Variants in FASTKD1 observed in about 807,000 individuals in gnomAD.
FASTKD1 encodes FAST kinase domains 1.
In FASTKD1, 94 loss-of-function variants were observed where a neutral mutation model predicts 90.9. The ratio of observed to expected loss-of-function variants is 1.03; its 90% CI spans 0.88 to 1.23. FASTKD1 has a LOEUF of 1.23. Ranked by LOEUF, FASTKD1 falls within the 50% of genes most tolerant of loss-of-function variation. The probability of loss-of-function intolerance (pLI) is 0.00; values close to 1 mark genes in which losing one functional copy is unlikely to be tolerated. For missense variants in FASTKD1, 945 were observed against 993.5 expected (o/e 0.95, Z 0.66); for synonymous variants, 319 against 345.8 (o/e 0.92, Z 0.86).
rs377384730 is a variant in FASTKD1 at position 169,557,196 on chromosome 2, A to C, written c.1073T>G (p.Leu358Arg). The change falls in exon 6 of 15, where the codon CTG (leucine) becomes CGG (arginine). Residue 358 changes from leucine (L) to arginine (R), a missense_variant. Transcript: ENST00000453153. ...ATTTCAGAAAAGATACCTTTTAATC[A>C]GACATGAGTTTCTGCTTTCCATATC... ...MGDMESRNSC[L>R]IKRVTSVLHK... 2 of 1,602,836 alleles carry C rather than the reference A, an allele frequency of 1.2e-6. No homozygotes were observed. Among genetic ancestry groups the C allele is most frequent in the East Asian group, 2.2e-5 (1 of 44,776 alleles).
At chr2:169,538,976 T>C (rs1377483013) in intron 10 of FASTKD1, among the ~76,000 whole-genome samples, 1 of 151,932 alleles carries the variant, frequency 6.6e-6, no homozygotes, top group African/African-American at 2.4e-5. Flanking sequence ...TGTTTTAAAA[T>C]TCATATAGGG....
chr2:169,569,068 A>AT (rs1684120885), intron 3 of FASTKD1, 116 bp downstream of exon 3: 7 of 835,320 alleles, frequency 8.4e-6, no homozygotes, highest in African/African-American at 1.7e-5. Context: ...GTTTAAATAC[A>AT]TTTTTTTCAG....
Position 169,557,247 on chromosome 2 carries a change from G to C in FASTKD1, c.1022C>G (p.Ala341Gly), listed in dbSNP as rs1295687403. Residue 341 changes from alanine to glycine, a missense_variant, in exon 6 of 15, where the codon GCC (alanine) becomes GGC (glycine). Physicochemically the swap from Ala to Gly is moderately conservative, Grantham distance 60 (BLOSUM62 0). Coordinates refer to ENST00000453153, the MANE Select transcript of FASTKD1 (RefSeq NM_024622.6). ...LMSEDLTGEQ[A>G]LAVLGAMGDM... ...TCCCATTGCTCCCAACACTGCCAGG[G>C]CTTGCTCGCCAGTTAGGTCCTCTGA... The C allele has an allele frequency of 3.1e-6, 5 of 1,612,416 alleles. No individual in the cohort carries two copies. Among genetic ancestry groups the C allele is most frequent in the Non-Finnish European group, 4.2e-6 (5 of 1,179,234 alleles).
chr2:169,540,298 T>C, intron 9 of FASTKD1, 119 bp from the exon 10 acceptor site: 2 of 997,620 alleles, frequency 2.0e-6, no homozygotes, highest in Admixed American at 3.2e-5. Context: ...ACAAAACTAA[T>C]CTACACTGTT....
chr2:169,561,364 T>C (rs983314133), intron 4 of FASTKD1, among the ~76,000 whole-genome samples: 6 of 151,470 alleles, frequency 4.0e-5, no homozygotes, highest in Admixed American at 3.3e-4. Flanking sequence ...TTTACCAAAG[T>C]GCTAATCACT....
At position 169,528,872 on chromosome 2, in the gene FASTKD1, C is replaced by T. The variant is rs1342166753; in HGVS notation, c.*953G>A. On this transcript the variant is annotated 3_prime_UTR_variant, in exon 15 of 15. Transcript: ENST00000453153. Reference sequence around the variant, plus strand: ...GAAGTATTACTTACCTTCCTTCCTCCTACCTCATTGGCCATCCCTGCTCAG... The same window carrying T: ...GAAGTATTACTTACCTTCCTTCCTCTTACCTCATTGGCCATCCCTGCTCAG... 6.6e-6 allele frequency among the ~76,000 whole-genome samples: 1 copy of T among 152,060 alleles called. No individual in the cohort carries two copies. Among genetic ancestry groups the T allele is most frequent in the African/African-American group, 2.4e-5 (1 of 41,390 alleles).
At chr2:169,544,870 CTT>C in intron 8 of FASTKD1, 35 bp from the exon 9 acceptor site, 1 of 1,283,304 alleles carries the variant, frequency 7.8e-7, no homozygotes, top group South Asian at 1.4e-5. Context: ...ATAGTTTAAA[CTT>C]TAGGAAAATA....
At chr2:169,539,175 G>A (rs987050291) in intron 10 of FASTKD1, among the ~76,000 whole-genome samples, 4 of 151,966 alleles carry the variant, frequency 2.6e-5, no homozygotes, top group African/African-American at 9.7e-5. Context: ...GGCTGAAGCA[G>A]GAGGATCAAT....
At chr2:169,549,648 G>A (rs1360896176) in intron 7 of FASTKD1, among the ~76,000 whole-genome samples, 2 of 151,716 alleles carry the variant, frequency 1.3e-5, no homozygotes, top group Admixed American at 1.3e-4. Flanking sequence ...GTTTTTTGTT[G>A]TGGAGACAGG....
Position 169,538,099 on chromosome 2 carries a change from A to G in FASTKD1, c.1988T>C (p.Met663Thr), listed in dbSNP as rs566037384. 8 of 1,610,126 alleles carry G rather than the reference A, an allele frequency of 5.0e-6. No homozygotes were observed. The East Asian group carries it at 9.0e-5, about 18-fold the overall frequency. Reference protein sequence around the residue: ...SRSARVQFHLMELNRSVCLEC... With the variant: ...SRSARVQFHLTELNRSVCLEC... ...CAAGCAGACTGATCTATTTAACTCC[A>G]TAAGATGAAACTGGACTCTTGCACT... Residue 663 changes from methionine (M) to threonine (T), a missense_variant, in exon 11 of 15, where the codon ATG (methionine) becomes ACG (threonine). Physicochemically the swap from Met to Thr is moderately conservative, Grantham distance 81. Transcript: ENST00000453153.
chr2:169,566,273 G>T (rs1457754928), intron 3 of FASTKD1, among the ~76,000 whole-genome samples: 1 of 152,124 alleles, frequency 6.6e-6, no homozygotes, highest in Non-Finnish European at 1.5e-5. Flanking sequence ...ATTTAAAGAT[G>T]AAATGATATT....
At chr2:169,537,366 C>T (rs1394250849) in intron 11 of FASTKD1, 26 bp from the exon 12 acceptor site, 4 of 1,385,222 alleles carry the variant, frequency 2.9e-6, no homozygotes, top group Non-Finnish European at 4.0e-6. Flanking sequence ...AATAATTAGT[C>T]TACTTAATCT....
chr2:169,546,726 G>A, intron 7 of FASTKD1, 22 bp from the exon 8 acceptor site: 4 of 1,580,080 alleles, frequency 2.5e-6, no homozygotes, highest in Non-Finnish European at 3.4e-6. Context: ...AAAATGAAAA[G>A]AATACATCAG....
At chr2:169,564,644 G>T (rs960486244) in intron 3 of FASTKD1, among the ~76,000 whole-genome samples, 2 of 152,052 alleles carry the variant, frequency 1.3e-5, no homozygotes, top group African/African-American at 4.8e-5. Context: ...TCACCCTGTT[G>T]TGCTGTCAAA....
rs770151405 is a variant in FASTKD1, at chr2:169,557,240, T to C, written c.1029A>G (p.Ala343=). The part of the protein sequence containing the change: ...SEDLTGEQAL[A]VLGAMGDMES... Reference sequence around the variant, plus strand: ...CCATATCTCCCATTGCTCCCAACACTGCCAGGGCTTGCTCGCCAGTTAGGT... The same window carrying C: ...CCATATCTCCCATTGCTCCCAACACCGCCAGGGCTTGCTCGCCAGTTAGGT... The change falls in exon 6 of 15, where the codon GCA becomes GCG. Residue 343 remains alanine, a synonymous_variant. Coordinates refer to ENST00000453153, the MANE Select transcript of FASTKD1 (RefSeq NM_024622.6). The C allele has an allele frequency of 3.7e-6, 6 of 1,612,746 alleles. No individual in the cohort carries two copies. In the African/African-American group the frequency reaches 6.7e-5, roughly 18 times the overall value.
intron 6 of FASTKD1, among the ~76,000 whole-genome samples, chr2:169,556,208 G>A (rs922691473): frequency 1.6e-4 from 25 of 152,038 alleles, no homozygotes; most frequent in Admixed American, 1.4e-3. Flanking sequence ...AGGCTGAGGC[G>A]GATGGATTCC....
At chr2:169,565,816 A>G (rs1683950604) in intron 3 of FASTKD1, among the ~76,000 whole-genome samples, 1 of 152,184 alleles carries the variant, frequency 6.6e-6, no homozygotes, top group Non-Finnish European at 1.5e-5. Flanking sequence ...AACAGTGTGC[A>G]GGGTTCCCTT....
chr2:169,553,270 G>GAAAAAAA (rs1559149845), intron 7 of FASTKD1, among the ~76,000 whole-genome samples: 1 of 7,504 alleles, frequency 1.3e-4, no homozygotes. Context: ...TTAAAAGCAT[G>GAAAAAAA]CAAAAAAAAA....
At position 169,546,588 on chromosome 2, in the gene FASTKD1, G is replaced by T. The variant is rs1282116435; in HGVS notation, c.1331C>A (p.Pro444Gln). ...ACTCAGGTTATTTAGGTCACACTGTGGTAAAACGGCTTCAATTCGGGATAT... is the reference window on the plus strand; with the variant it reads ...ACTCAGGTTATTTAGGTCACACTGTTGTAAAACGGCTTCAATTCGGGATAT... ...VGISRIEAVL[P>Q]QCDLNNLSSF... Residue 444 changes from proline to glutamine, a missense_variant, in exon 8 of 15, where the codon CCA becomes CAA. By Grantham distance (76) the Pro-to-Gln change is moderately conservative. Coordinates refer to ENST00000453153, the MANE Select transcript of FASTKD1 (RefSeq NM_024622.6). The T allele has an allele frequency of 6.2e-7, 1 of 1,614,002 alleles. No homozygotes were observed. The highest frequency in any genetic ancestry group is 1.3e-5 in the African/African-American group (1 of 74,906).
Sources: gnomAD v4.1 joint callset for allele counts (sites outside exome capture counted in the v4.1 genomes callset) on GRCh38, gnomAD v4.1.1 for gene constraint, MANE v1.5 for transcripts, NCBI Gene and HGNC (gene_info 2026-07-23, HGNC 2026-07-21) for gene names.